Variants in JARID2 observed in about 807,000 individuals in gnomAD.
The protein encoded by JARID2 is jumonji and AT-rich interaction domain containing 2.
A neutral mutation model predicts 125.6 loss-of-function variants in JARID2; 21 were observed. The ratio of observed to expected loss-of-function variants is 0.17; its 90% confidence interval spans 0.12 to 0.24. The LOEUF (loss-of-function observed/expected upper bound fraction) is 0.24. JARID2 is among the 10% of genes least tolerant of loss of function. The pLI, the probability that JARID2 is intolerant of heterozygous loss-of-function variation, is 1.00. For missense variants in JARID2, 1,303 were observed against 1,639.6 expected (o/e 0.79, Z 3.55); for synonymous variants, 736 against 661.6 (o/e 1.11, Z -1.73).
At chr6:15,417,579 A>G (rs574743942) in intron 3 of JARID2, among the ~76,000 whole-genome samples, 1 of 152,152 alleles carries the variant, frequency 6.6e-6, no homozygotes, top group African/African-American at 2.4e-5. Context: ...ATTTCTACCA[A>G]AAAATACAAA....
At chr6:15,259,042 C>G (rs1581334075) in intron 1 of JARID2, among the ~76,000 whole-genome samples, 2 of 152,196 alleles carry the variant, frequency 1.3e-5, no homozygotes, top group Non-Finnish European at 2.9e-5. Flanking sequence ...GTGTGAGTCT[C>G]TTTACACCCA....
intron 3 of JARID2, among the ~76,000 whole-genome samples, chr6:15,416,021 C>G (rs1474420755): frequency 1.5e-4 from 22 of 148,316 alleles, no homozygotes; most frequent in African/African-American, 2.2e-4. Context: ...GGTCATGGCC[C>G]GGTAGAGGCG....
chr6:15,272,151 C>CA (rs1327968291), intron 1 of JARID2, among the ~76,000 whole-genome samples: 2 of 152,110 alleles, frequency 1.3e-5, no homozygotes, highest in Admixed American at 6.6e-5. Flanking sequence ...AGCAGAAAAA[C>CA]AAAAAAACAA....
chr6:15,385,385 T>C (rs1363055507), intron 2 of JARID2, among the ~76,000 whole-genome samples: 1 of 152,104 alleles, frequency 6.6e-6, no homozygotes, highest in Non-Finnish European at 1.5e-5. Context: ...CGCTTTACCT[T>C]ATGAAGTCTG....
intron 1 of JARID2, among the ~76,000 whole-genome samples, chr6:15,347,626 T>G (rs1250592689): frequency 1.3e-5 from 2 of 152,220 alleles, no homozygotes; most frequent in East Asian, 3.8e-4. Context: ...CACCAATGAC[T>G]TTTTAAAAAG....
intron 1 of JARID2, among the ~76,000 whole-genome samples, chr6:15,317,319 T>G (rs1008516299): frequency 1.7e-4 from 26 of 152,192 alleles, no homozygotes; most frequent in Admixed American, 7.2e-4. Flanking sequence ...CAAGTCTCAT[T>G]TAGGATAATA....
chr6:15,466,070 C>T (rs901693539), intron 4 of JARID2, among the ~76,000 whole-genome samples: 2 of 152,166 alleles, frequency 1.3e-5, no homozygotes, highest in African/African-American at 4.8e-5. Context: ...TCCCAAAGTG[C>T]TGGGATTACA....
chr6:15,317,864 G>C (rs1011865403), intron 1 of JARID2, among the ~76,000 whole-genome samples: 1 of 152,238 alleles, frequency 6.6e-6, no homozygotes, highest in South Asian at 2.1e-4. Flanking sequence ...TACCAGACCC[G>C]CTCCCACAAA....
rs191577744 is a variant in JARID2, at chr6:15,480,608, T to C, written c.671-6699T>C. On this transcript the variant is annotated intron_variant, in intron 5 of 17. Transcript: ENST00000341776. Reference sequence around the variant, plus strand: ...TTCTCTAAAAATTATATTTTTCACATGTGGATCTTTGCCATTGCAGCAAGA... The same window carrying C: ...TTCTCTAAAAATTATATTTTTCACACGTGGATCTTTGCCATTGCAGCAAGA... 1.1e-4 allele frequency among the ~76,000 whole-genome samples: 17 copies of C among 152,352 alleles called. No individual in the cohort carries two copies. In the East Asian group the frequency reaches 2.9e-3, roughly 26 times the overall value.
intron 3 of JARID2, among the ~76,000 whole-genome samples, chr6:15,411,000 AATG>A (rs1244620414): frequency 2.0e-5 from 3 of 152,210 alleles, no homozygotes; most frequent in Non-Finnish European, 2.9e-5. Flanking sequence ...ATTTTATAAT[AATG>A]ATTTTACTTG....
In JARID2 at chr6:15,378,293, A is replaced by T. The variant is rs571687132; in HGVS notation, c.181+4041A>T. The stretch of plus-strand genomic sequence containing the variant: ...GTTCATTAATTTTTAATTGTCACAG[A>T]AATTTGTCTGGTGGTAGAGTTGTAA... On this transcript the variant is annotated intron_variant, in intron 2 of 17. Transcript: ENST00000341776. Among the ~76,000 whole-genome samples the T allele has an allele frequency of 7.3e-5, 11 of 151,666 alleles. No homozygotes were observed. In the South Asian group the frequency reaches 1.9e-3, roughly 26 times the overall value.
At chr6:15,363,967 CAG>C (rs1003426352) in intron 1 of JARID2, among the ~76,000 whole-genome samples, 5 of 152,124 alleles carry the variant, frequency 3.3e-5, no homozygotes, top group Non-Finnish European at 5.9e-5. Context: ...AGTCCAAGGA[CAG>C]AGTTTATTTG....
intron 1 of JARID2, among the ~76,000 whole-genome samples, chr6:15,295,108 C>CTT (rs57350640): frequency 7.0e-6 from 1 of 142,214 alleles, no homozygotes; most frequent in Admixed American, 7.0e-5. Context: ...TGTGTCATTT[C>CTT]TTTTTTTTTT....
rs532736512 is a variant in JARID2 at position 15,266,038 on chromosome 6, A to G, written c.45+19454A>G. ...GTGCTCTCTCATATTCATAAAAGAG[A>G]TGGCACGAGGCTTAGTGTCTCCAAA... On this transcript the variant is annotated intron_variant, in intron 1 of 17. Transcript: ENST00000341776. Among the ~76,000 whole-genome samples the G allele has an allele frequency of 4.6e-5, 7 of 152,276 alleles. No individual in the cohort carries two copies. In the South Asian group the frequency reaches 1.5e-3, roughly 32 times the overall value.
intron 16 of JARID2, among the ~76,000 whole-genome samples, chr6:15,516,186 C>T (rs981328926): frequency 6.6e-6 from 1 of 152,184 alleles, no homozygotes; most frequent in African/African-American, 2.4e-5. Context: ...TTCCCACACT[C>T]CTACAACGTG....
chr6:15,415,617 G>A (rs547542771), intron 3 of JARID2, among the ~76,000 whole-genome samples: 72 of 145,904 alleles, frequency 4.9e-4, no homozygotes, highest in African/African-American at 1.8e-3. Flanking sequence ...CCTCCCTCCC[G>A]GTCGGGGCGG....
intron 2 of JARID2, among the ~76,000 whole-genome samples, chr6:15,403,195 T>C (rs1212932986): frequency 6.6e-6 from 1 of 152,188 alleles, no homozygotes; most frequent in Non-Finnish European, 1.5e-5. Context: ...TAGCTTCTGG[T>C]CTGTTTGGGA....
intron 2 of JARID2, among the ~76,000 whole-genome samples, chr6:15,395,365 A>G (rs1765180200): frequency 1.3e-5 from 2 of 152,092 alleles, no homozygotes; most frequent in African/African-American, 4.8e-5. Context: ...GTATGATCTC[A>G]GCTCACCGCA....
intron 1 of JARID2, among the ~76,000 whole-genome samples, chr6:15,275,157 AAATGTTTCTGGGCT>A: frequency 6.6e-6 from 1 of 152,256 alleles, no homozygotes; most frequent in South Asian, 2.1e-4. Context: ...TCTCCTTGCA[AAATGTTTCTGGGCT>A]CAGGTTCAAG....
Sources: gnomAD v4.1 joint callset for allele counts (sites outside exome capture counted in the v4.1 genomes callset) on GRCh38, gnomAD v4.1.1 for gene constraint, MANE v1.5 for transcripts, NCBI Gene and HGNC (gene_info 2026-07-23, HGNC 2026-07-21) for gene names.